Variants in RBFOX1 observed in about 807,000 individuals in gnomAD.
RBFOX1 encodes the protein RNA binding protein fox-1 homolog 1.
Under a neutral mutation model 57.7 loss-of-function variants are expected in RBFOX1, and 8 were observed. The observed-to-expected ratio is 0.14, with a 90% CI of 0.08 to 0.25. The LOEUF (loss-of-function observed/expected upper bound fraction) is 0.25, where lower values mean the gene tolerates loss of function less well. Ranked by LOEUF, RBFOX1 falls within the 10% of genes least tolerant of loss-of-function variation. The pLI is 1.00. For missense variants in RBFOX1, 611 were observed against 548.5 expected, an observed-to-expected ratio of 1.11 and a Z score of -1.14; for synonymous variants, 326 against 222.4, an observed-to-expected ratio of 1.47 and a Z score of -4.15.
intron 1 of RBFOX1, among the ~76,000 whole-genome samples, chr16:6,174,466 G>A (rs964378521): frequency 1.3e-5 from 2 of 152,096 alleles, no homozygotes; most frequent in Non-Finnish European, 2.9e-5. Flanking sequence ...ATGGAGGTGC[G>A]TGCCTGTAGT....
intron 2 of RBFOX1, among the ~76,000 whole-genome samples, chr16:6,360,651 A>G (rs961820167): frequency 3.3e-5 from 5 of 152,254 alleles, no homozygotes; most frequent in Non-Finnish European, 7.3e-5. Context: ...TTTGTCAAGT[A>G]TATCATGCCG....
intron 3 of RBFOX1, among the ~76,000 whole-genome samples, chr16:5,718,040 C>T (rs1305197567): frequency 2.6e-5 from 4 of 152,152 alleles, no homozygotes; most frequent in South Asian, 2.1e-4. Context: ...TGCCTCTTGA[C>T]TTTGGTATTG....
At chr16:6,622,633 TAAATG>T (rs1436777620) in intron 2 of RBFOX1, among the ~76,000 whole-genome samples, 6 of 152,152 alleles carry the variant, frequency 3.9e-5, no homozygotes, top group African/African-American at 1.4e-4. Flanking sequence ...AAAAAATAAA[TAAATG>T]AATATATGAA....
intron 1 of RBFOX1, among the ~76,000 whole-genome samples, chr16:5,374,351 C>T (rs1474115363): frequency 6.6e-6 from 1 of 152,190 alleles, no homozygotes; most frequent in African/African-American, 2.4e-5. Flanking sequence ...AGAGGCTCTC[C>T]CTGAGGAGAT....
At chr16:7,260,548 C>A (rs2094878440) in intron 4 of RBFOX1, among the ~76,000 whole-genome samples, 1 of 152,124 alleles carries the variant, frequency 6.6e-6, no homozygotes, top group African/African-American at 2.4e-5. Context: ...AAGGCTGCAT[C>A]TTCAGGGAAT....
At chr16:7,602,684 TGTAA>T (rs1471693740) in intron 9 of RBFOX1, among the ~76,000 whole-genome samples, 5 of 152,186 alleles carry the variant, frequency 3.3e-5, no homozygotes, top group Non-Finnish European at 7.3e-5. Context: ...GCATGAGCTC[TGTAA>T]GTCTGAGTGG....
At chr16:6,753,296 A>G (rs2075261794) in intron 3 of RBFOX1, among the ~76,000 whole-genome samples, 1 of 152,222 alleles carries the variant, frequency 6.6e-6, no homozygotes, top group East Asian at 1.9e-4. Context: ...TGTTTGCTGT[A>G]AAATTCTTTC....
chr16:6,883,453 T>G (rs1307040774), intron 3 of RBFOX1, among the ~76,000 whole-genome samples: 1 of 152,208 alleles, frequency 6.6e-6, no homozygotes, highest in East Asian at 1.9e-4. Context: ...CAAGATTTTA[T>G]TTGATTGCAC....
At chr16:5,322,252 TA>T (rs1286666215) in intron 1 of RBFOX1, among the ~76,000 whole-genome samples, 1 of 152,178 alleles carries the variant, frequency 6.6e-6, no homozygotes, top group Admixed American at 6.5e-5. Flanking sequence ...AGAAAGCTTT[TA>T]AGTAAGCCCA....
chr16:5,709,778 C>T (rs1453560800), intron 3 of RBFOX1, among the ~76,000 whole-genome samples: 1 of 115,138 alleles, frequency 8.7e-6, no homozygotes, highest in Admixed American at 9.8e-5. Flanking sequence ...TATGAAGCCA[C>T]TGTAATCTAC....
intron 4 of RBFOX1, among the ~76,000 whole-genome samples, chr16:7,135,445 A>G (rs1369608186): frequency 6.6e-6 from 1 of 152,250 alleles, no homozygotes; most frequent in Non-Finnish European, 1.5e-5. Flanking sequence ...CATTTCTTAC[A>G]TTGTTACCAA....
intron 4 of RBFOX1, among the ~76,000 whole-genome samples, chr16:7,114,713 C>G (rs1401901996): frequency 6.6e-6 from 1 of 152,192 alleles, no homozygotes; most frequent in East Asian, 1.9e-4. Flanking sequence ...GTTTTCCTTT[C>G]TACGCTCATG....
At chr16:6,463,471 A>G (rs1429617362) in intron 2 of RBFOX1, among the ~76,000 whole-genome samples, 1 of 152,174 alleles carries the variant, frequency 6.6e-6, no homozygotes, top group Non-Finnish European at 1.5e-5. Flanking sequence ...GGCAGGTAAC[A>G]TTTGGGGTCA....
intron 3 of RBFOX1, among the ~76,000 whole-genome samples, chr16:6,719,199 A>G (rs564092133): frequency 6.6e-6 from 1 of 152,216 alleles, no homozygotes; most frequent in East Asian, 1.9e-4. Flanking sequence ...CAAAAATGCT[A>G]TTGACTTCAG....
At chr16:5,252,897 C>T (rs938046088) in intron 1 of RBFOX1, among the ~76,000 whole-genome samples, 1 of 152,176 alleles carries the variant, frequency 6.6e-6, no homozygotes, top group African/African-American at 2.4e-5. Context: ...GAAGCTTCTC[C>T]CTCCTGGTGA....
rs2097293031 is a variant in RBFOX1 at position 7,360,094 on chromosome 16, T to G, written c.28-158053T>G. Among the ~76,000 whole-genome samples, 3 of 152,224 alleles carry G rather than the reference T, an allele frequency of 2.0e-5. 1 individual carries two copies. The South Asian group carries it at 6.2e-4, about 32-fold the overall frequency. ...AAACAACTTAAATATTCCCTCCCCC[T>G]ATGATGAAAATGGGATTCAACCAAA... is the stretch of plus-strand genomic sequence containing the variant. On this transcript the variant is annotated intron_variant, in intron 4 of 15. Transcript: ENST00000550418.
intron 3 of RBFOX1, among the ~76,000 whole-genome samples, chr16:6,701,518 G>C (rs540120428): frequency 1.8e-3 from 274 of 152,332 alleles, no homozygotes; most frequent in African/African-American, 6.3e-3. Context: ...ACCAGCATTT[G>C]CTCAGCTTCT....
chr16:6,449,907 A>C (rs773957094), intron 2 of RBFOX1, among the ~76,000 whole-genome samples: 4 of 152,158 alleles, frequency 2.6e-5, no homozygotes, highest in African/African-American at 7.2e-5. Context: ...TTTTCCCTTC[A>C]TTTCTCCAGA....
At chr16:5,919,185 G>T (rs905019026) in intron 4 of RBFOX1, among the ~76,000 whole-genome samples, 2 of 152,164 alleles carry the variant, frequency 1.3e-5, no homozygotes, top group African/African-American at 4.8e-5. Context: ...TGACACTTCA[G>T]TGAAGGTCAG....
Sources: allele counts gnomAD v4.1 joint callset (sites outside exome capture counted in the v4.1 genomes callset), GRCh38; gene constraint gnomAD v4.1.1; transcripts MANE v1.5; gene names NCBI Gene and HGNC (gene_info 2026-07-23, HGNC 2026-07-21).